Variants in PDE5A observed in about 807,000 individuals in gnomAD.
PDE5A encodes cGMP-specific 3',5'-cyclic phosphodiesterase.
Under a neutral mutation model 110.2 loss-of-function variants are expected in PDE5A, and 67 were observed. That is an observed-to-expected ratio of 0.61 (90% confidence interval 0.50 to 0.75). The LOEUF (loss-of-function observed/expected upper bound fraction) is 0.75, where lower values mean the gene tolerates loss of function less well. Among genes scored for constraint, PDE5A ranks in the 30% least tolerant of loss-of-function variants. The pLI is 0.00. For synonymous variants in PDE5A, 328 were observed against 351.2 expected (o/e 0.93, Z 0.74); for missense variants, 862 against 1,045.1 (o/e 0.82, Z 2.42).
chr4:119,558,597 A>G (rs1221488110), intron 7 of PDE5A, among the ~76,000 whole-genome samples: 1 of 152,184 alleles, frequency 6.6e-6, no homozygotes, highest in African/African-American at 2.4e-5. Context: ...AAATGTTAAC[A>G]TTACTAAACA....
At chr4:119,577,801 A>G (rs1240519401) in intron 3 of PDE5A, among the ~76,000 whole-genome samples, 1 of 151,926 alleles carries the variant, frequency 6.6e-6, no homozygotes, top group African/African-American at 2.4e-5. Flanking sequence ...CTCTCTCACC[A>G]CTCCTATTCA....
intron 2 of PDE5A, among the ~76,000 whole-genome samples, chr4:119,604,735 T>C (rs531732614): frequency 6.6e-6 from 1 of 152,322 alleles, no homozygotes; most frequent in African/African-American, 2.4e-5. Context: ...CATTATTCAT[T>C]TACCCAGCTT....
chr4:119,581,657 A>C (rs1417095986), intron 3 of PDE5A, among the ~76,000 whole-genome samples: 1 of 152,214 alleles, frequency 6.6e-6, no homozygotes, highest in Non-Finnish European at 1.5e-5. Context: ...CAGCAAAAAA[A>C]GACATGACCT....
At chr4:119,538,879 G>A in intron 11 of PDE5A, 81 bp downstream of exon 11, 1 of 963,918 alleles carries the variant, frequency 1.0e-6, no homozygotes, top group East Asian at 2.4e-5. Flanking sequence ...ATTTTTATAA[G>A]TATCCATCTA....
chr4:119,562,379 G>T (rs1727772533), intron 6 of PDE5A, among the ~76,000 whole-genome samples: 1 of 152,168 alleles, frequency 6.6e-6, no homozygotes, highest in African/African-American at 2.4e-5. Flanking sequence ...TACTGGCTAT[G>T]CCTTTTGGTT....
rs201313618 is a variant in PDE5A at position 119,628,769 on chromosome 4, C to T, written c.-98G>A. ...AACAGGACTCGGCCTCGAGACCCTC[C>T]CCCTTCGTCCTGCTCCAGTCGGGCC... On this transcript the variant is annotated 5_prime_UTR_variant, in exon 1 of 21. Coordinates refer to ENST00000354960, the MANE Select transcript of PDE5A (RefSeq NM_001083.4). 144 of 1,504,902 alleles carry T rather than the reference C, an allele frequency of 9.6e-5. No individual in the cohort carries two copies. Among genetic ancestry groups the T allele is most frequent in the Non-Finnish European group, 1.2e-4 (133 of 1,113,314 alleles). The allele number at this position is 1,504,902 out of a possible 1,614,324, so 93.2% of individuals were successfully genotyped here.
chr4:119,612,527 C>T (rs1257700272), intron 1 of PDE5A, among the ~76,000 whole-genome samples: 1 of 152,172 alleles, frequency 6.6e-6, no homozygotes, highest in Non-Finnish European at 1.5e-5. Flanking sequence ...ATGCCAACAC[C>T]ATGCTTCCTG....
At chr4:119,516,851 C>A (rs1029537078) in intron 14 of PDE5A, among the ~76,000 whole-genome samples, 2 of 152,192 alleles carry the variant, frequency 1.3e-5, no homozygotes, top group Non-Finnish European at 2.9e-5. Flanking sequence ...GAACTCCTGA[C>A]CTCGTGATCC....
At chr4:119,623,578 T>C (rs1239884980) in intron 1 of PDE5A, among the ~76,000 whole-genome samples, 3 of 152,224 alleles carry the variant, frequency 2.0e-5, no homozygotes, top group Non-Finnish European at 4.4e-5. Context: ...CTACAAGCTT[T>C]ACCTATACAA....
chr4:119,520,546 G>A (rs746976363), intron 13 of PDE5A, among the ~76,000 whole-genome samples: 6 of 152,086 alleles, frequency 3.9e-5, no homozygotes, highest in Non-Finnish European at 8.8e-5. Flanking sequence ...AGCAAGTTCA[G>A]GAACTAGGTG....
At chr4:119,584,537 T>C (rs552636092) in intron 3 of PDE5A, among the ~76,000 whole-genome samples, 124 of 152,332 alleles carry the variant, frequency 8.1e-4, no homozygotes, top group African/African-American at 2.8e-3. Flanking sequence ...CTCTCTCTGC[T>C]TATGAACAAA....
intron 2 of PDE5A, among the ~76,000 whole-genome samples, chr4:119,606,503 G>A (rs1729534741): frequency 6.6e-6 from 1 of 152,128 alleles, no homozygotes; most frequent in African/African-American, 2.4e-5. Flanking sequence ...ATCCTCAACT[G>A]AACCACCAGG....
At chr4:119,521,202 A>G (rs1176713569) in intron 12 of PDE5A, 142 bp from the exon 13 acceptor site, 1 of 874,298 alleles carries the variant, frequency 1.1e-6, no homozygotes, top group Non-Finnish European at 1.7e-6. Flanking sequence ...TGACACTCAG[A>G]GAGGTAACTT....
At chr4:119,509,161 GA>G in intron 15 of PDE5A, among the ~76,000 whole-genome samples, 1 of 152,038 alleles carries the variant, frequency 6.6e-6, no homozygotes, top group East Asian at 1.9e-4. Flanking sequence ...TGGATTTTGT[GA>G]AAAAATGGTA....
intron 1 of PDE5A, among the ~76,000 whole-genome samples, chr4:119,619,797 G>T (rs1177495687): frequency 6.6e-6 from 1 of 152,136 alleles, no homozygotes; most frequent in South Asian, 2.1e-4. Context: ...TGAGGTAAAT[G>T]ACATTATCTC....
chr4:119,580,374 A>G (rs960632274), intron 3 of PDE5A, among the ~76,000 whole-genome samples: 1 of 152,256 alleles, frequency 6.6e-6, no homozygotes, highest in African/African-American at 2.4e-5. Context: ...CATTGCGAGC[A>G]AAGTCTCCAA....
At chr4:119,574,820 A>G (rs1728273314) in intron 3 of PDE5A, among the ~76,000 whole-genome samples, 1 of 152,262 alleles carries the variant, frequency 6.6e-6, no homozygotes, top group African/African-American at 2.4e-5. Flanking sequence ...TTCAAGAAAA[A>G]GCAAAACTAA....
Position 119,502,580 on chromosome 4 carries a change from C to G in PDE5A, c.2406+1G>C. ...TCCTACCAACAAGGTTTCATACTTA[C>G]AGTGGGTTCTATGTTGAGTTCTTTT... On this transcript the variant is annotated splice_donor_variant, in intron 19 of 20. Coordinates refer to ENST00000354960, the MANE Select transcript of PDE5A (RefSeq NM_001083.4). LOFTEE classifies it high-confidence loss of function. 6.4e-7 allele frequency: 1 copy of G among 1,565,666 alleles called. No homozygotes were observed. The highest frequency in any genetic ancestry group is 8.8e-7 in the Non-Finnish European group (1 of 1,140,848).
intron 1 of PDE5A, among the ~76,000 whole-genome samples, chr4:119,612,251 G>A (rs957091638): frequency 3.3e-5 from 5 of 152,138 alleles, no homozygotes; most frequent in Admixed American, 1.3e-4. Flanking sequence ...CCCCAGTGTT[G>A]AAGGTGGGGC....
Sources: gnomAD v4.1 joint callset for allele counts (sites outside exome capture counted in the v4.1 genomes callset) on GRCh38, gnomAD v4.1.1 for gene constraint, MANE v1.5 for transcripts, NCBI Gene and HGNC (gene_info 2026-07-23, HGNC 2026-07-21) for gene names.